AHRR: variants seen among roughly 807,000 people sequenced by gnomAD.
AHRR encodes the protein aryl hydrocarbon receptor repressor.
Under a neutral mutation model 44.0 loss-of-function variants are expected in AHRR, and 28 were observed. The ratio of observed to expected loss-of-function variants is 0.64; its 90% CI spans 0.47 to 0.87. The LOEUF (loss-of-function observed/expected upper bound fraction) is 0.87. Among genes scored for constraint, AHRR ranks in the 40% least tolerant of loss-of-function variants. The pLI, the probability that AHRR is intolerant of heterozygous loss-of-function variation, is 0.00. For missense variants in AHRR, 990 were observed against 953.9 expected (o/e 1.04, Z -0.50); for synonymous variants, 434 against 407.0 (o/e 1.07, Z -0.80).
rs181857015 is a variant in AHRR, at chr5:383,724, A to G, written c.351+7008A>G. Among the ~76,000 whole-genome samples the G allele has an allele frequency of 1.3e-5, 2 of 152,146 alleles. No homozygotes were observed. On this transcript the variant is annotated intron_variant, in intron 4 of 10. Transcript: ENST00000684583. The surrounding 1 kb of genome is among the most constrained non-coding windows in gnomAD (Gnocchi z 4.0). ...ACTACAAGCATGTGCCACCATACCC[A>G]GCTAATTAAAATTCTTTTTTATAGA...
At chr5:384,076 C>T (rs1579647881) in intron 4 of AHRR, among the ~76,000 whole-genome samples, 1 of 151,928 alleles carries the variant, frequency 6.6e-6, no homozygotes, top group East Asian at 1.9e-4. Flanking sequence ...TGTAAAATGC[C>T]TCCTTATTCC....
Position 353,823 on chromosome 5 carries a change from G to C in AHRR, c.156G>C (p.Pro52=), listed in dbSNP as rs150312721. Residue 52 remains proline, a synonymous_variant, in exon 3 of 11, where the codon CCG becomes CCC. Coordinates refer to ENST00000684583, the MANE Select transcript of AHRR (RefSeq NM_001377236.1). ...TGGACCACCTGGCCAGCCTGCTGCC[G>C]TTCCCGCCTGACATCATCTCCAAGC... ...AELDHLASLL[P]FPPDIISKLD... The C allele has an allele frequency of 1.2e-6, 2 of 1,614,052 alleles. No individual in the cohort carries two copies. The highest frequency in any genetic ancestry group is 1.7e-6 in the Non-Finnish European group (2 of 1,180,004).
chr5:415,463 G>A (rs56778873), intron 5 of AHRR, among the ~76,000 whole-genome samples: 1,275 of 14,786 alleles, frequency 0.086, 44 homozygotes, highest in Non-Finnish European at 0.11. Context: ...TAGGGGCCGA[G>A]TCTGCCTGGT....
At chr5:367,857 C>G in intron 3 of AHRR, 1 of 702,524 alleles carries the variant, frequency 1.4e-6, no homozygotes, top group Non-Finnish European at 2.6e-6. Context: ...ACCACACGGG[C>G]GAACGAAGGC....
intron 3 of AHRR, chr5:367,685 C>T: frequency 1.7e-6 from 1 of 603,748 alleles, no homozygotes; most frequent in Non-Finnish European, 3.0e-6. Context: ...CCCAGCCTCA[C>T]TTTTAACATC....
intron 3 of AHRR, among the ~76,000 whole-genome samples, chr5:364,316 G>A (rs1579625418): frequency 6.6e-6 from 1 of 152,276 alleles, no homozygotes; most frequent in East Asian, 1.9e-4. Context: ...AAAACAAGAA[G>A]GTGGTGACTA....
rs1056621674 is a variant in AHRR at position 413,431 on chromosome 5, C to T, written c.439C>T (p.Gln147Ter). 6.2e-6 allele frequency: 10 copies of T among 1,610,316 alleles called. No homozygotes were observed. Among genetic ancestry groups the T allele is most frequent in the Non-Finnish European group, 8.5e-6 (10 of 1,177,708 alleles). The change falls in exon 5 of 11, where the codon CAG (glutamine) becomes TAG (stop). Residue 147 changes from glutamine to a stop codon, truncating the protein, a stop_gained and splice_region_variant. Coordinates refer to ENST00000684583, the MANE Select transcript of AHRR (RefSeq NM_001377236.1). LOFTEE classifies it high-confidence loss of function. Reference sequence around the variant, plus strand: ...GATCGTGGACTATCTGGGCTTCCATCAGGTAAATGAAACCAGAATAGCCCT... The same window carrying T: ...GATCGTGGACTATCTGGGCTTCCATTAGGTAAATGAAACCAGAATAGCCCT... ...ATIVDYLGFH[Q>*]TDVMHQNIYD...
At chr5:425,751 A>G (rs1461932234) in intron 7 of AHRR, among the ~76,000 whole-genome samples, 1 of 152,236 alleles carries the variant, frequency 6.6e-6, no homozygotes. Flanking sequence ...AATTAGATTG[A>G]TGCTAAAATA....
chr5:362,804 T>A (rs1465111757), intron 3 of AHRR, among the ~76,000 whole-genome samples: 1 of 152,238 alleles, frequency 6.6e-6, no homozygotes, highest in Non-Finnish European at 1.5e-5. Flanking sequence ...AGGGGCTCAT[T>A]CACTCATTTA....
Position 404,297 on chromosome 5 carries a change from C to T in AHRR, c.352-9047C>T, listed in dbSNP as rs1364053272. ...CTTCTCATCAAACATGTGAATAATT[C>T]GCTAATTTTTCTTCCAGTGTTACTA... On this transcript the variant is annotated intron_variant, in intron 4 of 10. Transcript: ENST00000684583. This position sits in a 1 kb window ranked among gnomAD's most constrained non-coding sequence, Gnocchi z 4.1. 17 of 490,232 alleles carry T rather than the reference C, an allele frequency of 3.5e-5. No individual in the cohort carries two copies. The highest frequency in any genetic ancestry group is 1.2e-4 in the African/African-American group (6 of 50,054). 30.4% of individuals were successfully genotyped at this position (490,232 alleles called of 1,614,324 possible).
intron 8 of AHRR, among the ~76,000 whole-genome samples, chr5:431,038 C>T (rs1304983911): frequency 6.6e-6 from 1 of 152,240 alleles, no homozygotes; most frequent in Non-Finnish European, 1.5e-5. Flanking sequence ...ACACTGTCCT[C>T]CGCTTACCGT....
chr5:389,859 A>T (rs1240821924), intron 4 of AHRR, among the ~76,000 whole-genome samples: 4 of 141,636 alleles, frequency 2.8e-5, no homozygotes, highest in African/African-American at 1.1e-4. Flanking sequence ...GGGAACAGAG[A>T]TGCACAGAAT....
chr5:415,114 G>A (rs1167488900), intron 5 of AHRR, among the ~76,000 whole-genome samples: 1 of 152,252 alleles, frequency 6.6e-6, no homozygotes, highest in African/African-American at 2.4e-5. Context: ...TTGGGACCCA[G>A]GTGAGATGCG....
intron 1 of AHRR, among the ~76,000 whole-genome samples, chr5:330,447 C>T (rs1182142169): frequency 6.6e-6 from 1 of 152,102 alleles, no homozygotes; most frequent in Non-Finnish European, 1.5e-5. Context: ...CATCTTGGCT[C>T]ACTGTAACCT....
chr5:364,134 C>A (rs994947713), intron 3 of AHRR, among the ~76,000 whole-genome samples: 3 of 152,090 alleles, frequency 2.0e-5, no homozygotes, highest in African/African-American at 7.2e-5. Flanking sequence ...ATATTTTAAG[C>A]CTTTAAAAAT....
chr5:414,306 AG>A (rs1735617750), intron 5 of AHRR, among the ~76,000 whole-genome samples: 1 of 152,080 alleles, frequency 6.6e-6, no homozygotes, highest in Non-Finnish European at 1.5e-5. Context: ...CAAGGCCAGG[AG>A]GGGAGCAACG....
chr5:343,166 T>TGTG (rs1360321882), intron 1 of AHRR, among the ~76,000 whole-genome samples: 7 of 151,770 alleles, frequency 4.6e-5, no homozygotes, highest in Admixed American at 2.0e-4. Flanking sequence ...TGTGGCCCCG[T>TGTG]GTGTCCTCTC....
At chr5:403,205 G>A (rs1735095615) in intron 4 of AHRR, among the ~76,000 whole-genome samples, 1 of 152,204 alleles carries the variant, frequency 6.6e-6, no homozygotes, top group African/African-American at 2.4e-5. Flanking sequence ...ACCGGGCTGA[G>A]GAGGGGAGTG....
intron 3 of AHRR, among the ~76,000 whole-genome samples, chr5:368,191 G>C (rs571958887): frequency 6.6e-6 from 1 of 152,358 alleles, no homozygotes; most frequent in Non-Finnish European, 1.5e-5. Context: ...TGTGGGTAGA[G>C]GGCAGAGGAC....
Sources: gnomAD v4.1 joint callset for allele counts (sites outside exome capture counted in the v4.1 genomes callset) on GRCh38, gnomAD v4.1.1 for gene constraint, Gnocchi (gnomAD v3.1) non-coding constraint, MANE v1.5 for transcripts, NCBI Gene and HGNC (gene_info 2026-07-23, HGNC 2026-07-21) for gene names.